The following KDM2B variants were observed in gnomAD, a reference collection of about 807,000 sequenced individuals.
KDM2B encodes the protein lysine-specific demethylase 2B.
Under a neutral mutation model 150.0 loss-of-function variants are expected in KDM2B, and 26 were observed. The ratio of observed to expected loss-of-function variants is 0.17; its 90% CI spans 0.13 to 0.24. KDM2B has a LOEUF of 0.24. KDM2B is among the 10% of genes least tolerant of loss of function. The pLI is 1.00. For synonymous variants in KDM2B, 734 were observed against 729.5 expected (o/e 1.01, Z -0.10); for missense variants, 1,265 against 1,816.9 (o/e 0.70, Z 5.52).
chr12:121,577,472 A>G (rs1223955148), intron 2 of KDM2B, among the ~76,000 whole-genome samples: 3 of 152,206 alleles, frequency 2.0e-5, no homozygotes, highest in Non-Finnish European at 4.4e-5. Flanking sequence ...GCAGGCTGGG[A>G]GAAATTTATT....
rs367719029 is a variant in KDM2B, at chr12:121,520,966, C to T, written c.1047+19G>A. Reference sequence around the variant, plus strand: ...CAGGGGCCAGGCGCGCACGCGAGGACAGAAGGGAACCTCCTTACCCGCGTC... The same window carrying T: ...CAGGGGCCAGGCGCGCACGCGAGGATAGAAGGGAACCTCCTTACCCGCGTC... On this transcript the variant is annotated intron_variant, in intron 9 of 22. Transcript: ENST00000377071. This position sits in a 1 kb window ranked among gnomAD's most constrained non-coding sequence, Gnocchi z 4.5. The T allele has an allele frequency of 6.2e-7, 1 of 1,603,718 alleles. No homozygotes were observed. Among genetic ancestry groups the T allele is most frequent in the South Asian group, 1.1e-5 (1 of 90,902 alleles).
At chr12:121,419,875 G>C in the KDM2B span, 1 of 175,048 alleles carries the variant, frequency 5.7e-6, no homozygotes, top group East Asian at 1.4e-4. Context: ...TTTTCTGTCT[G>C]CATCTTACAG....
chr12:121,426,829 G>T (rs1872535379), downstream of KDM2B, among the ~76,000 whole-genome samples: 1 of 151,750 alleles, frequency 6.6e-6, no homozygotes, highest in Admixed American at 6.6e-5. Context: ...TTACCATGTT[G>T]GCCAGGCTGG....
chr12:121,435,640 G>A (rs1555286590), intron 22 of KDM2B, among the ~76,000 whole-genome samples: 1 of 152,056 alleles, frequency 6.6e-6, no homozygotes, highest in African/African-American at 2.4e-5. Flanking sequence ...AATTAGGGGT[G>A]CCCACTCAAA....
chr12:121,438,205 G>C (rs1282699879), intron 22 of KDM2B, among the ~76,000 whole-genome samples: 1 of 147,066 alleles, frequency 6.8e-6, no homozygotes, highest in Admixed American at 6.9e-5. Flanking sequence ...AGTGAGCCGA[G>C]ATCGCACCAC....
chr12:121,444,588 C>A (rs376798464), intron 14 of KDM2B, 52 bp from the exon 15 acceptor site: 2 of 1,479,068 alleles, frequency 1.4e-6, no homozygotes, highest in Admixed American at 1.7e-5. Context: ...AGATGGCCCA[C>A]GGGCACAAGG....
intron 11 of KDM2B, among the ~76,000 whole-genome samples, chr12:121,500,081 C>T (rs1159339959): frequency 6.6e-6 from 1 of 152,110 alleles, no homozygotes. Context: ...AGGGGGCGCC[C>T]TGGGCTCTGT....
chr12:121,408,723 A>G, the KDM2B span, among the ~76,000 whole-genome samples: 4 of 152,328 alleles, frequency 2.6e-5, no homozygotes, highest in African/African-American at 9.6e-5. Context: ...GAGGTGAAGA[A>G]GGACAAAAAC....
chr12:121,579,493 GC>G, intron 1 of KDM2B: 1 of 632,488 alleles, frequency 1.6e-6, no homozygotes, highest in Non-Finnish European at 2.5e-6. Flanking sequence ...GACCCCAGCC[GC>G]CCCCGCCGCC....
rs538764195 is a variant in KDM2B at position 121,533,648 on chromosome 12, A to G, written c.778-689T>C. On this transcript the variant is annotated intron_variant, in intron 7 of 22. Coordinates refer to ENST00000377071, the MANE Select transcript of KDM2B (RefSeq NM_032590.5). This position sits in a 1 kb window ranked among gnomAD's most constrained non-coding sequence, Gnocchi z 4.1. The stretch of plus-strand genomic sequence containing the variant: ...CAGGGCAGGAGCTGAGATGACAGCC[A>G]GAGAAGATGAATGCTGGACGTTCTC... 1.5e-4 allele frequency among the ~76,000 whole-genome samples: 23 copies of G among 152,344 alleles called. No individual in the cohort carries two copies. Among genetic ancestry groups the G allele is most frequent in the African/African-American group, 5.5e-4 (23 of 41,574 alleles).
chr12:121,574,681 AAG>A (rs1891383161), intron 3 of KDM2B, 88 bp from the exon 4 acceptor site: 2 of 1,200,856 alleles, frequency 1.7e-6, no homozygotes, highest in East Asian at 2.4e-5. Context: ...CCATTTTTCC[AAG>A]AGAGATCCTT....
chr12:121,442,122 C>A lies in KDM2B; in HGVS notation c.3284+35G>T, dbSNP rs1428019381. 5 of 1,590,000 alleles carry A rather than the reference C, an allele frequency of 3.1e-6. No homozygotes were observed. In the African/African-American group the frequency reaches 6.7e-5, roughly 21 times the overall value. ...CGGGCCATCCCTGGTGCCGCCTGAG[C>A]CTTAACCTAGAGCCCTACACAGGCC... On this transcript the variant is annotated intron_variant, in intron 19 of 22. Coordinates refer to ENST00000377071, the MANE Select transcript of KDM2B (RefSeq NM_032590.5). The surrounding 1 kb of genome is among the most constrained non-coding windows in gnomAD (Gnocchi z 7.7).
At chr12:121,542,217 G>C (rs534180021) in intron 6 of KDM2B, among the ~76,000 whole-genome samples, 6 of 152,336 alleles carry the variant, frequency 3.9e-5, no homozygotes, top group African/African-American at 1.4e-4. Context: ...TATGTGGCAA[G>C]GAACTGAGGC....
At chr12:121,546,379 C>CTTTTTTTTTTTTTTTTTTTTTTTTTCT (rs371614406) in intron 6 of KDM2B, among the ~76,000 whole-genome samples, 1 of 97,478 alleles carries the variant, frequency 1.0e-5, no homozygotes, top group African/African-American at 4.2e-5. Flanking sequence ...TTTTTTTTGC[C>CTTTTTTTTTTTTTTTTTTTTTTTTTCT]TTTTTTTTTT....
rs1228699942 is a variant in KDM2B at position 121,467,396 on chromosome 12, G to A, written c.1735-14052C>T. 3 of 964,484 alleles carry A rather than the reference G, an allele frequency of 3.1e-6. No individual in the cohort carries two copies. The highest frequency in any genetic ancestry group is 5.3e-4 in the Middle Eastern group (1 of 1,898). The allele number at this position is 964,484 out of a possible 1,614,324, so 59.7% of individuals were successfully genotyped here. A position where few individuals can be genotyped will look rare whatever the true frequency, so the allele number is the denominator to read the frequency against. On this transcript the variant is annotated intron_variant, in intron 12 of 22. Transcript: ENST00000377071. This position sits in a 1 kb window ranked among gnomAD's most constrained non-coding sequence, Gnocchi z 5.1. ...CCCGCGCTGGAGGGGGCGGGGAGGG[G>A]CCGGCGGGGGAGGGCCGGGGCGCCA...
chr12:121,439,804 T>C, intron 22 of KDM2B, 53 bp downstream of exon 22: 1 of 1,357,718 alleles, frequency 7.4e-7, no homozygotes, highest in African/African-American at 1.4e-5. Flanking sequence ...AATGTGAACC[T>C]CCTGGTTCTC....
intron 4 of KDM2B, among the ~76,000 whole-genome samples, chr12:121,572,880 C>G (rs1891213125): frequency 6.8e-6 from 1 of 147,028 alleles, no homozygotes; most frequent in Non-Finnish European, 1.5e-5. Context: ...GGCTGGAGTG[C>G]AGTGGCACGA....
intron 22 of KDM2B, among the ~76,000 whole-genome samples, chr12:121,431,935 A>G (rs1427102986): frequency 6.9e-6 from 1 of 144,390 alleles, no homozygotes; most frequent in Admixed American, 7.1e-5. Context: ...CCAGGCTGGA[A>G]TGCAGTGGCA....
chr12:121,423,502 T>C, the KDM2B span: 1 of 1,614,172 alleles, frequency 6.2e-7, no homozygotes, highest in Non-Finnish European at 8.5e-7. This position sits in a 1 kb window ranked among gnomAD's most constrained non-coding sequence, Gnocchi z 4.3. Context: ...CTGCACCAAG[T>C]GCGGCAAGCG....
Sources: gnomAD v4.1 joint callset for allele counts (sites outside exome capture counted in the v4.1 genomes callset) on GRCh38, gnomAD v4.1.1 for gene constraint, Gnocchi (gnomAD v3.1) non-coding constraint, MANE v1.5 for transcripts, NCBI Gene and HGNC (gene_info 2026-07-23, HGNC 2026-07-21) for gene names.